Variants in CCT5 observed in about 807,000 individuals in gnomAD.
CCT5 encodes chaperonin containing TCP1 subunit 5, also known as T-complex protein 1 subunit epsilon.
A neutral mutation model predicts 55.0 loss-of-function variants in CCT5; 6 were observed. The observed-to-expected ratio is 0.11, with a 90% CI of 0.06 to 0.22. The LOEUF (loss-of-function observed/expected upper bound fraction) is 0.22, where lower values mean the gene tolerates loss of function less well. Ranked by LOEUF, CCT5 falls within the 10% of genes least tolerant of loss-of-function variation. The probability of loss-of-function intolerance (pLI) is 1.00; values close to 1 mark genes in which losing one functional copy is unlikely to be tolerated. For missense variants in CCT5, 560 were observed against 694.6 expected (o/e 0.81, Z 2.18); for synonymous variants, 231 against 243.7 (o/e 0.95, Z 0.49).
At chr5:10,255,775 C>A (rs1203341222) in intron 3 of CCT5, among the ~76,000 whole-genome samples, 180 bp from the exon 4 acceptor site, 8 of 152,184 alleles carry the variant, frequency 5.3e-5, no homozygotes, top group Non-Finnish European at 7.3e-5. Flanking sequence ...TCCTATTCGA[C>A]CTTCGCTAGA....
upstream of CCT5, chr5:10,250,055 T>TA (rs763980851): frequency 3.4e-5 from 52 of 1,540,940 alleles, no homozygotes; most frequent in Admixed American, 1.4e-4. Context: ...GGTAACGTTT[T>TA]AAAAAATGAC....
Position 10,266,240 on chromosome 5 carries a change from C to T in CCT5, c.*1457C>T, listed in dbSNP as rs1023339200. ...GTCTGTGGTTGTATCAGAAGAGCCACTAAACCAATCCCCCTTTCCAAAATT... is the reference window on the plus strand; with the variant it reads ...GTCTGTGGTTGTATCAGAAGAGCCATTAAACCAATCCCCCTTTCCAAAATT... On this transcript the variant is annotated 3_prime_UTR_variant, in exon 11 of 11. Transcript: ENST00000280326. 2.0e-5 allele frequency: 3 copies of T among 152,228 alleles called. No individual in the cohort carries two copies. The South Asian group carries it at 6.2e-4, about 32-fold the overall frequency. 9.4% of individuals were successfully genotyped at this position (152,228 alleles called of 1,614,324 possible).
chr5:10,253,380 A>T (rs1477382099), intron 1 of CCT5, among the ~76,000 whole-genome samples: 1 of 150,532 alleles, frequency 6.6e-6, no homozygotes, highest in Non-Finnish European at 1.5e-5. Context: ...AATTATTGGG[A>T]TTTCAGGTGG....
intron 6 of CCT5, among the ~76,000 whole-genome samples, chr5:10,260,288 T>C (rs567491840): frequency 2.0e-5 from 3 of 152,190 alleles, no homozygotes; most frequent in Non-Finnish European, 2.9e-5. Context: ...GTGAGGGTGC[T>C]TCTTACTGGA....
At chr5:10,254,118 G>GT in intron 1 of CCT5, 27 bp from the exon 2 acceptor site, 1 of 1,518,656 alleles carries the variant, frequency 6.6e-7, no homozygotes, top group Non-Finnish European at 9.1e-7. Flanking sequence ...ATGTAACAGT[G>GT]TTTGCTTTTT....
rs533551114 is a variant in CCT5 at position 10,265,169 on chromosome 5, T to C, written c.*386T>C. 3.2e-4 allele frequency: 74 copies of C among 234,640 alleles called. 1 individual carries two copies. In the South Asian group the frequency reaches 4.0e-3, roughly 13 times the overall value. 14.5% of individuals were successfully genotyped at this position (234,640 alleles called of 1,614,324 possible). A position where few individuals can be genotyped will look rare whatever the true frequency, so the allele number is the denominator to read the frequency against. On this transcript the variant is annotated 3_prime_UTR_variant, in exon 11 of 11. Coordinates refer to ENST00000280326, the MANE Select transcript of CCT5 (RefSeq NM_012073.5). ...GGAGCTCTCAAGATGCACTTTCATA[T>C]TGAGAGGAATATGGGCTTGATCCTC...
At position 10,250,302 on chromosome 5, in the gene CCT5, C is replaced by T. The variant is rs749906380; in HGVS notation, c.-39C>T. The T allele has an allele frequency of 3.1e-6, 5 of 1,613,610 alleles. No homozygotes were observed. The African/African-American group carries it at 4.0e-5, about 13-fold the overall frequency. On this transcript the variant is annotated 5_prime_UTR_variant, in exon 1 of 11. Transcript: ENST00000280326. The stretch of plus-strand genomic sequence containing the variant: ...AGTGCATTCTCGCTTCCGTAGCGGT[C>T]TCCGCCGGTTGGGGGGAAGTAATTC...
chr5:10,252,807 A>G (rs1457829962), intron 1 of CCT5, among the ~76,000 whole-genome samples: 1 of 152,188 alleles, frequency 6.6e-6, no homozygotes, highest in Non-Finnish European at 1.5e-5. Flanking sequence ...CAGAAGGAAG[A>G]AAAAGGTTTT....
At position 10,265,130 on chromosome 5, in the gene CCT5, T is replaced by C. The variant is rs774174590; in HGVS notation, c.*347T>C. On this transcript the variant is annotated 3_prime_UTR_variant, in exon 11 of 11. Coordinates refer to ENST00000280326, the MANE Select transcript of CCT5 (RefSeq NM_012073.5). ...TCAAAATAAGCTGTAGGGACTATTT[T>C]AACAGCTTAAACAGGAGCTCTCAAG... 1.3e-4 allele frequency: 35 copies of C among 270,590 alleles called. No homozygotes were observed. Among genetic ancestry groups the C allele is most frequent in the South Asian group, 2.8e-4 (7 of 25,222 alleles). The allele number at this position is 270,590 out of a possible 1,614,324, so 16.8% of individuals were successfully genotyped here. A position where few individuals can be genotyped will look rare whatever the true frequency, so the allele number is the denominator to read the frequency against.
chr5:10,264,465 G>A lies in CCT5; in HGVS notation c.1499-191G>A, dbSNP rs375715622. The stretch of plus-strand genomic sequence containing the variant: ...CTCTCTTTACCAGGTGCGAGTTCCA[G>A]AGTGTCCTTGGAAGTAATGAAATTA... On this transcript the variant is annotated intron_variant, in intron 10 of 10. Coordinates refer to ENST00000280326, the MANE Select transcript of CCT5 (RefSeq NM_012073.5). 6 of 569,084 alleles carry A rather than the reference G, an allele frequency of 1.1e-5. No individual in the cohort carries two copies. The African/African-American group carries it at 1.1e-4, about 11-fold the overall frequency. The allele number at this position is 569,084 out of a possible 1,614,324, so 35.3% of individuals were successfully genotyped here. A position where few individuals can be genotyped will look rare whatever the true frequency, so the allele number is the denominator to read the frequency against.
chr5:10,255,093 A>C lies in CCT5; in HGVS notation c.331+255A>C, dbSNP rs1255385459. The C allele has an allele frequency of 6.0e-6, 3 of 497,396 alleles. No individual in the cohort carries two copies. The East Asian group carries it at 1.1e-4, about 19-fold the overall frequency. 30.8% of individuals were successfully genotyped at this position (497,396 alleles called of 1,614,324 possible). On this transcript the variant is annotated intron_variant, in intron 3 of 10. Transcript: ENST00000280326. ...TGGACACTGATTTTGCTTGTCTTTT[A>C]AGCTATAAAGGATGTTTGGGAAACG...
chr5:10,254,632 T>C, intron 2 of CCT5, 42 bp from the exon 3 acceptor site: 1 of 1,593,016 alleles, frequency 6.3e-7, no homozygotes, highest in Non-Finnish European at 8.6e-7. Context: ...TGATATTGGT[T>C]GCCAGTTTTT....
intron 1 of CCT5, chr5:10,250,730 C>T (rs1426540541): frequency 1.6e-6 from 2 of 1,263,828 alleles, no homozygotes; most frequent in Non-Finnish European, 2.0e-6. Context: ...CAAAGCGGGA[C>T]CGCCTCCCCG....
Position 10,250,521 on chromosome 5 carries a change from G to C in CCT5, c.105+76G>C, listed in dbSNP as rs372504888. The C allele has an allele frequency of 4.4e-5, 70 of 1,585,130 alleles. No homozygotes were observed. The East Asian group carries it at 4.8e-4, about 11-fold the overall frequency. On this transcript the variant is annotated intron_variant, in intron 1 of 10. Transcript: ENST00000280326. ...CCGTGGCTCTGCGCCTGCGCGAGTT[G>C]AGGAGCGGCTCTGCCATGTGCTCCC...
rs1746205160 is a variant in CCT5 at position 10,265,819 on chromosome 5, T to A, written c.*1036T>A. ...TGATTCTCTAGATTTTCTAAAATAA[T>A]GTTTCTTAGCATTGTGATGATAAAG... On this transcript the variant is annotated 3_prime_UTR_variant, in exon 11 of 11. Transcript: ENST00000280326. The A allele has an allele frequency of 6.6e-6, 1 of 152,174 alleles. No homozygotes were observed. The highest frequency in any genetic ancestry group is 1.5e-5 in the Non-Finnish European group (1 of 68,040). 9.4% of individuals were successfully genotyped at this position (152,174 alleles called of 1,614,324 possible). A position where few individuals can be genotyped will look rare whatever the true frequency, so the allele number is the denominator to read the frequency against.
chr5:10,258,651 A>G, intron 6 of CCT5, 116 bp downstream of exon 6: 1 of 954,892 alleles, frequency 1.0e-6, no homozygotes, highest in South Asian at 1.4e-5. Flanking sequence ...ACAGGAAAAA[A>G]CCAAATTGCA....
Position 10,263,175 on chromosome 5 carries a change from C to T in CCT5, c.1359C>T (p.Asp453=), listed in dbSNP as rs751771583. The T allele has an allele frequency of 8.1e-6, 13 of 1,614,060 alleles. No homozygotes were observed. Among genetic ancestry groups the T allele is most frequent in the East Asian group, 2.2e-5 (1 of 44,898 alleles). ...LEQYAMRAFA[D]ALEVIPMALS... is the part of the protein sequence containing the mutation. ...AGTATGCCATGAGAGCGTTTGCCGA[C>T]GCACTGGAGGTCATCCCCATGGCCC... Residue 453 remains aspartate (D), a synonymous_variant, in exon 10 of 11, where the codon GAC becomes GAT. Transcript: ENST00000280326.
In CCT5 at chr5:10,254,129, C is replaced by A; in HGVS notation, c.106-16C>A. The A allele has an allele frequency of 6.3e-7, 1 of 1,581,580 alleles. No individual in the cohort carries two copies. Among genetic ancestry groups the A allele is most frequent in the Non-Finnish European group, 8.7e-7 (1 of 1,150,884 alleles). ...TTATATGTAACAGTGTTTGCTTTTT[C>A]TGTTTGTTTCATTAGTCTCATATAA... On this transcript the variant is annotated splice_polypyrimidine_tract_variant and intron_variant, in intron 1 of 10. Transcript: ENST00000280326.
chr5:10,251,644 T>C (rs1745424855), intron 1 of CCT5, among the ~76,000 whole-genome samples: 1 of 151,722 alleles, frequency 6.6e-6, no homozygotes, highest in Non-Finnish European at 1.5e-5. Flanking sequence ...CAGGGGGAGG[T>C]GATAGGCCTC....
Sources: gnomAD v4.1 joint callset for allele counts (sites outside exome capture counted in the v4.1 genomes callset) on GRCh38, gnomAD v4.1.1 for gene constraint, MANE v1.5 for transcripts, NCBI Gene and HGNC (gene_info 2026-07-23, HGNC 2026-07-21) for gene names.